The following MAPK3 variants were observed in gnomAD, a reference collection of about 807,000 sequenced individuals.
MAPK3 encodes mitogen-activated protein kinase 3.
A neutral mutation model predicts 41.8 loss-of-function variants in MAPK3; 30 were observed. That is an observed-to-expected ratio of 0.72 (90% CI 0.54 to 0.97). The LOEUF is 0.97. Among genes scored for constraint, MAPK3 ranks in the 50% least tolerant of loss-of-function variants. The pLI is 0.00. For synonymous variants in MAPK3, 222 were observed against 213.4 expected, an observed-to-expected ratio of 1.04 and a Z score of -0.35; for missense variants, 413 against 509.9, an observed-to-expected ratio of 0.81 and a Z score of 1.83.
At position 30,123,199 on chromosome 16, in the gene MAPK3, G is replaced by A. The variant is rs1271627688; in HGVS notation, c.11C>T (p.Ala4Val). The stretch of plus-strand genomic sequence containing the variant: ...CCCGCCCCCGCCCCCCTGAGCCGCC[G>A]CCGCCGCCATCTCCACTCCTCCCCT... MAA[A>V]AAQGGGGGEP... Residue 4 changes from alanine to valine, a missense_variant, in exon 1 of 9, where the codon GCG (alanine) becomes GTG (valine). Ala to Val is a moderately conservative substitution (Grantham distance 64). Around this residue, in one of 4 missense-constraint regions of MAPK3, gnomAD observed 145 missense variants for 133.0 expected, o/e 1.09. Transcript: ENST00000263025. 13 of 729,416 alleles carry A rather than the reference G, an allele frequency of 1.8e-5. 1 individual carries two copies. The East Asian group carries it at 2.3e-4, about 13-fold the overall frequency. 45.2% of individuals were successfully genotyped at this position (729,416 alleles called of 1,614,324 possible).
chr16:30,115,232 C>CA (rs934591605), intron 8 of MAPK3, among the ~76,000 whole-genome samples: 54 of 150,594 alleles, frequency 3.6e-4, no homozygotes, highest in Middle Eastern at 3.2e-3. Context: ...AAAACAAAAC[C>CA]AAAAAAAAAG....
rs772578869 is a variant in MAPK3, at chr16:30,121,977, C to A, written c.200G>T (p.Arg67Leu). ...GGGGCTGATCTTCTTGATGGCCACG[C>A]GAGTCTTGCGCACGTGGTCATAGGC... ...SSAYDHVRKT[R>L]VAIKKISPFE... is the part of the protein sequence containing the mutation. The change falls in exon 2 of 9, where the codon CGC (arginine) becomes CTC (leucine). Residue 67 changes from arginine (R) to leucine (L), a missense_variant. Physicochemically the swap from Arg to Leu is moderately radical, Grantham distance 102 (BLOSUM62 -2). This residue lies in a region of MAPK3 where 145 missense variants were observed against 133.0 expected (regional missense o/e 1.09). Transcript: ENST00000263025. The A allele has an allele frequency of 6.2e-7, 1 of 1,614,114 alleles. No homozygotes were observed. The highest frequency in any genetic ancestry group is 8.5e-7 in the Non-Finnish European group (1 of 1,180,036).
intron 1 of MAPK3, 191 bp downstream of exon 1, chr16:30,122,849 G>T: frequency 8.4e-6 from 4 of 478,806 alleles, no homozygotes; most frequent in Non-Finnish European, 1.1e-5. Context: ...CCCTGAGGAC[G>T]TAGGCAGCGC....
intron 8 of MAPK3, 92 bp downstream of exon 8, chr16:30,116,544 A>G: frequency 2.2e-6 from 3 of 1,355,598 alleles, no homozygotes; most frequent in Non-Finnish European, 3.0e-6. Flanking sequence ...TTGCTGCTGT[A>G]TGGAGGCATG....
chr16:30,120,674 T>G (rs997951260), intron 2 of MAPK3, among the ~76,000 whole-genome samples: 8 of 146,386 alleles, frequency 5.5e-5, no homozygotes, highest in Non-Finnish European at 3.0e-5. Flanking sequence ...GAGCCTTAGC[T>G]TCCTCATCTT....
Position 30,123,171 on chromosome 16 carries a change from C to T in MAPK3, c.39G>A (p.Glu13=). ...GGCCGACCCCCTCGGTTCTACGGGG[C>T]TCCCCGCCCCCGCCCCCCTGAGCCG... is the stretch of plus-strand genomic sequence containing the variant. ...AAAAQGGGGG[E]PRRTEGVGPG... The change falls in exon 1 of 9, where the codon GAG becomes GAA. Residue 13 remains glutamate, a synonymous_variant. Coordinates refer to ENST00000263025, the MANE Select transcript of MAPK3 (RefSeq NM_002746.3). 1 of 1,389,218 alleles carries T rather than the reference C, an allele frequency of 7.2e-7. No homozygotes were observed. The highest frequency in any genetic ancestry group is 9.6e-7 in the Non-Finnish European group (1 of 1,040,576). The allele number at this position is 1,389,218 out of a possible 1,614,324, so 86.1% of individuals were successfully genotyped here.
intron 2 of MAPK3, among the ~76,000 whole-genome samples, chr16:30,118,745 G>A (rs1390944214): frequency 6.6e-6 from 1 of 152,154 alleles, no homozygotes; most frequent in African/African-American, 2.4e-5. Flanking sequence ...CACAGTTGCT[G>A]ATCCTGAGCA....
intron 8 of MAPK3, among the ~76,000 whole-genome samples, chr16:30,115,226 C>T (rs1360917506): frequency 6.6e-6 from 1 of 151,756 alleles, no homozygotes; most frequent in Non-Finnish European, 1.5e-5. Flanking sequence ...CTCAAAAAAA[C>T]AAAACCAAAA....
intron 1 of MAPK3, 97 bp from the exon 2 acceptor site, chr16:30,122,103 A>G (rs751894178): frequency 2.1e-5 from 24 of 1,146,180 alleles, no homozygotes; most frequent in Admixed American, 1.1e-4. Context: ...GGGAGAGAGC[A>G]GGAGCTGGCT....
chr16:30,122,769 G>A, intron 1 of MAPK3: 1 of 348,070 alleles, frequency 2.9e-6, no homozygotes, highest in Non-Finnish European at 5.2e-6. Flanking sequence ...GTCCCCGCGG[G>A]CCCCCACATG....
In MAPK3 at chr16:30,123,029, CG is replaced by C; in HGVS notation, c.170+10del. Reference sequence around the variant, plus strand: ...CCTGAGGGCACCCCCTCCCCCGGAACGCCCCCTCACCTGACCATGCCGTACG... The same window carrying C: ...CCTGAGGGCACCCCCTCCCCCGGAACCCCCCTCACCTGACCATGCCGTACG... On this transcript the variant is annotated intron_variant, in intron 1 of 8. Coordinates refer to ENST00000263025, the MANE Select transcript of MAPK3 (RefSeq NM_002746.3). 6.7e-7 allele frequency: 1 copy of C among 1,493,216 alleles called. No individual in the cohort carries two copies. 92.5% of individuals were successfully genotyped at this position (1,493,216 alleles called of 1,614,324 possible).
chr16:30,116,261 A>G (rs2072953252), intron 8 of MAPK3, among the ~76,000 whole-genome samples: 1 of 146,924 alleles, frequency 6.8e-6, no homozygotes, highest in Non-Finnish European at 1.5e-5. Context: ...CTGGTCTCGG[A>G]CTCCTGACCT....
rs372797673 is a variant in MAPK3, at chr16:30,114,314, A to T, written c.*427T>A. The T allele has an allele frequency of 1.3e-5, 2 of 152,546 alleles. No individual in the cohort carries two copies. The highest frequency in any genetic ancestry group is 3.9e-4 in the East Asian group (2 of 5,162). 9.4% of individuals were successfully genotyped at this position (152,546 alleles called of 1,614,324 possible). A position where few individuals can be genotyped will look rare whatever the true frequency, so the allele number is the denominator to read the frequency against. ...CCTTGAGACTAAGGAATGTTCCTTC[A>T]GGGAAACTAGGGTGGGGTTTGAATG... On this transcript the variant is annotated 3_prime_UTR_variant, in exon 9 of 9. Coordinates refer to ENST00000263025, the MANE Select transcript of MAPK3 (RefSeq NM_002746.3).
intron 5 of MAPK3, among the ~76,000 whole-genome samples, 192 bp downstream of exon 5, chr16:30,117,478 G>T (rs549679436): frequency 5.1e-4 from 78 of 152,204 alleles, no homozygotes; most frequent in Non-Finnish European, 8.7e-4. Flanking sequence ...CCTAGGTCTG[G>T]TGCCTCCTCA....
At chr16:30,117,858 C>A in intron 4 of MAPK3, 74 bp from the exon 5 acceptor site, 1 of 1,266,642 alleles carries the variant, frequency 7.9e-7, no homozygotes, top group Non-Finnish European at 1.2e-6. Flanking sequence ...CAGGCCACCA[C>A]CTCCAAGTTA....
intron 8 of MAPK3, chr16:30,115,675 C>T (rs1018200772): frequency 1.3e-5 from 2 of 152,022 alleles, no homozygotes. Context: ...GCTTGTGGGG[C>T]TGGAGGATGC....
At chr16:30,115,016 C>A (rs905971651) in intron 8 of MAPK3, among the ~76,000 whole-genome samples, 1 of 150,598 alleles carries the variant, frequency 6.6e-6, no homozygotes, top group Non-Finnish European at 1.5e-5. Flanking sequence ...GGTGGTGGAT[C>A]GCTTGAGCCC....
chr16:30,118,047 C>CTTGGAGTTCAGCATGATCTCTGGGGCCCG lies in MAPK3; in HGVS notation c.631_659dup (p.Lys220AsnfsTer8), dbSNP rs1289903922. The CTTGGAGTTCAGCATGATCTCTGGGGCCCG allele has an allele frequency of 6.2e-7, 1 of 1,613,770 alleles. No individual in the cohort carries two copies. On this transcript the variant is annotated stop_gained and frameshift_variant and splice_region_variant, in exon 4 of 9. Coordinates refer to ENST00000263025, the MANE Select transcript of MAPK3 (RefSeq NM_002746.3). LOFTEE classifies it high-confidence loss of function. Reference sequence around the variant, plus strand: ...TTCAGGAGTGGGCAGCCCCTCCTACCTTGGAGTTCAGCATGATCTCTGGGG... The same window carrying CTTGGAGTTCAGCATGATCTCTGGGGCCCG: ...TTCAGGAGTGGGCAGCCCCTCCTACCTTGGAGTTCAGCATGATCTCTGGGGCCCGTTGGAGTTCAGCATGATCTCTGGGG...
In MAPK3 at chr16:30,116,740, AG is replaced by A; in HGVS notation, c.1067del (p.Pro356LeufsTer5). 6.2e-7 allele frequency: 1 copy of A among 1,613,806 alleles called. No homozygotes were observed. The highest frequency in any genetic ancestry group is 8.5e-7 in the Non-Finnish European group (1 of 1,179,964). On this transcript the variant is annotated frameshift_variant, in exon 8 of 9. Transcript: ENST00000263025. LOFTEE classifies it high-confidence loss of function. ...AGATGAGCTCCTTCAGCCGCTCCTT[AG>A]GTAGGTCATCCAGCTCCATGGCGAA... Reference protein sequence around the residue: ...FTFAMELDDLPKERLKELIFQ... With the variant: ...FTFAMELDDLXKERLKELIFQ...
Sources: allele counts gnomAD v4.1 joint callset (sites outside exome capture counted in the v4.1 genomes callset), GRCh38; gene constraint gnomAD v4.1.1; regional missense constraint gnomAD v4.1.1; transcripts MANE v1.5; gene names NCBI Gene and HGNC (gene_info 2026-07-23, HGNC 2026-07-21).